Variants in FN1 observed in about 807,000 individuals in gnomAD.
FN1 encodes the protein fibronectin.
In FN1, 106 loss-of-function variants were observed where a neutral mutation model predicts 297.3. The ratio of observed to expected loss-of-function variants is 0.36; its 90% CI spans 0.30 to 0.42. The LOEUF (loss-of-function observed/expected upper bound fraction) is 0.42. Ranked by LOEUF, FN1 falls within the 10% of genes least tolerant of loss-of-function variation. The pLI is 1.00. For missense variants in FN1, 2,690 were observed against 3,124.9 expected (o/e 0.86, Z 3.32); for synonymous variants, 1,149 against 1,152.6 (o/e 1.00, Z 0.06).
In FN1 at chr2:215,404,354, T is replaced by C. The variant is rs752282304; in HGVS notation, c.3253+35A>G. The C allele has an allele frequency of 2.5e-6, 4 of 1,588,046 alleles. No homozygotes were observed. In the South Asian group the frequency reaches 4.4e-5, roughly 18 times the overall value. ...AAGCATGAAGAATAGAGAATGTAAA[T>C]ATAGTTAAGAAAAGGCACTTAATTT... On this transcript the variant is annotated intron_variant, in intron 20 of 45. Coordinates refer to ENST00000354785, the MANE Select transcript of FN1 (RefSeq NM_212482.4).
At chr2:215,403,016 A>C (rs957047462) in intron 20 of FN1, among the ~76,000 whole-genome samples, 3 of 152,182 alleles carry the variant, frequency 2.0e-5, no homozygotes, top group Non-Finnish European at 4.4e-5. Context: ...ATAGAATTCT[A>C]CATTTTAGTA....
intron 9 of FN1, among the ~76,000 whole-genome samples, chr2:215,422,690 G>A (rs528376132): frequency 1.3e-5 from 2 of 152,288 alleles, no homozygotes; most frequent in East Asian, 3.9e-4. Flanking sequence ...AAAAGTATAA[G>A]CAATTTCTTT....
rs1006812085 is a variant in FN1, at chr2:215,407,243, G to T, written c.2597C>A (p.Thr866Asn). ...LNLPETANSV[T>N]LSDLQPGVQY... ...AACACCAGGTTGCAAGTCACTGAGG[G>T]TGACGGAGTTTGCAGTTTCAGGAAG... Residue 866 changes from threonine (T) to asparagine (N), a missense_variant, in exon 18 of 46, where the codon ACC (threonine) becomes AAC (asparagine). This residue lies in a region of FN1 where 71 missense variants were observed against 121.7 expected (regional missense o/e 0.58). Transcript: ENST00000354785. 6.2e-7 allele frequency: 1 copy of T among 1,613,978 alleles called. No homozygotes were observed. Among genetic ancestry groups the T allele is most frequent in the Non-Finnish European group, 8.5e-7 (1 of 1,179,946 alleles).
intron 20 of FN1, among the ~76,000 whole-genome samples, chr2:215,402,527 TA>T (rs2061287518): frequency 6.6e-6 from 1 of 152,286 alleles, no homozygotes; most frequent in South Asian, 2.1e-4. Context: ...AGTAAGATAG[TA>T]AAAAACTACA....
intron 43 of FN1, 111 bp downstream of exon 43, chr2:215,365,394 C>T (rs553053942): frequency 2.6e-6 from 3 of 1,165,458 alleles, no homozygotes; most frequent in Admixed American, 3.4e-5. Context: ...CCACTGTTCA[C>T]TCCTCAAGGA....
At chr2:215,422,869 T>C (rs2064665705) in intron 9 of FN1, among the ~76,000 whole-genome samples, 1 of 152,124 alleles carries the variant, frequency 6.6e-6, no homozygotes, top group African/African-American at 2.4e-5. Context: ...AGAGTGAGAT[T>C]CCCTACCTGT....
At chr2:215,381,948 A>G in intron 32 of FN1, 2 of 433,286 alleles carry the variant, frequency 4.6e-6, no homozygotes, top group South Asian at 2.1e-5. Flanking sequence ...CTATAGGCAA[A>G]TAAGATTTCG....
intron 19 of FN1, among the ~76,000 whole-genome samples, 197 bp from the exon 20 acceptor site, chr2:215,404,852 A>C (rs185403949): frequency 1.3e-5 from 2 of 152,304 alleles, no homozygotes; most frequent in East Asian, 3.9e-4. Context: ...CAGTCATGAG[A>C]AATTGTGGAA....
chr2:215,389,833 G>A (rs6743670), intron 26 of FN1, among the ~76,000 whole-genome samples: 5,443 of 152,102 alleles, frequency 0.036, 316 homozygotes, highest in African/African-American at 0.12. Flanking sequence ...CTAGATGGTA[G>A]AGCCTTTGAC....
At chr2:215,365,717 G>A in intron 42 of FN1, 87 bp from the exon 43 acceptor site, 2 of 1,289,892 alleles carry the variant, frequency 1.6e-6, no homozygotes, top group South Asian at 2.4e-5. Flanking sequence ...GTGTCACAGG[G>A]TCTTCAGAAC....
intron 12 of FN1, among the ~76,000 whole-genome samples, chr2:215,415,192 T>C (rs2063264930): frequency 6.6e-6 from 1 of 150,434 alleles, no homozygotes; most frequent in African/African-American, 2.4e-5. Flanking sequence ...TAGTTGTTTA[T>C]AGCAAATAAA....
In FN1 at chr2:215,386,817, T is replaced by A. The variant is rs773665488; in HGVS notation, c.4484A>T (p.Asp1495Val). Residue 1495 changes from aspartate (D) to valine (V), a missense_variant, in exon 28 of 46, where the codon GAT becomes GTT. Coordinates refer to ENST00000354785, the MANE Select transcript of FN1 (RefSeq NM_212482.4). ...GGAATTCCGAGAGTGGGGCACCCGA[T>A]CTTCTCGAGGTCTCCCACTGAAGTG... The part of the protein sequence containing the change: ...PEHFSGRPRE[D>V]RVPHSRNSIT... 1 of 1,614,002 alleles carries A rather than the reference T, an allele frequency of 6.2e-7. No homozygotes were observed. Among genetic ancestry groups the A allele is most frequent in the Non-Finnish European group, 8.5e-7 (1 of 1,179,992 alleles).
chr2:215,384,987 A>C lies in FN1; in HGVS notation c.4613-11T>G. The C allele has an allele frequency of 6.3e-7, 1 of 1,578,508 alleles. No individual in the cohort carries two copies. The highest frequency in any genetic ancestry group is 8.7e-7 in the Non-Finnish European group (1 of 1,147,588). ...TCGGAACATCAGAAACTAGAAAAAA[A>C]AGGGAAACTTTTCACATCCGTAATT... On this transcript the variant is annotated splice_polypyrimidine_tract_variant and intron_variant, in intron 28 of 45. Coordinates refer to ENST00000354785, the MANE Select transcript of FN1 (RefSeq NM_212482.4).
intron 6 of FN1, among the ~76,000 whole-genome samples, chr2:215,426,130 T>C (rs186643927): frequency 5.5e-4 from 78 of 143,118 alleles, no homozygotes; most frequent in African/African-American, 1.9e-3. Context: ...GATGTGTTGA[T>C]CTTTTCTTTT....
intron 33 of FN1, 157 bp from the exon 34 acceptor site, chr2:215,379,474 G>A (rs2057890986): frequency 3.2e-6 from 2 of 633,078 alleles, no homozygotes; most frequent in Admixed American, 2.6e-5. Flanking sequence ...TACAGTAAGG[G>A]ATGCAAAATG....
At chr2:215,380,650 A>C in intron 33 of FN1, 161 bp downstream of exon 33, 1 of 969,388 alleles carries the variant, frequency 1.0e-6, no homozygotes, top group Non-Finnish European at 1.6e-6. Flanking sequence ...AATATCACCT[A>C]AGTTTTATTG....
intron 35 of FN1, among the ~76,000 whole-genome samples, chr2:215,376,883 T>C (rs1559367286): frequency 6.6e-6 from 1 of 152,202 alleles, no homozygotes; most frequent in Non-Finnish European, 1.5e-5. Flanking sequence ...AGACATTTTA[T>C]TTTGAAGAGC....
chr2:215,375,660 C>G lies in FN1; in HGVS notation c.5946G>C (p.Arg1982=). The change falls in exon 37 of 46, where the codon CGG becomes CGC. Residue 1982 remains arginine, a synonymous_variant. Coordinates refer to ENST00000354785, the MANE Select transcript of FN1 (RefSeq NM_212482.4). Reference sequence around the variant, plus strand: ...AGGCGTCGATGACCACAGGGGAGCTCCGAGCATTGTCATTCAAGGTGTACA... The same window carrying G: ...AGGCGTCGATGACCACAGGGGAGCTGCGAGCATTGTCATTCAAGGTGTACA... ...IYLYTLNDNA[R]SSPVVIDAST... 1 of 1,613,450 alleles carries G rather than the reference C, an allele frequency of 6.2e-7. No homozygotes were observed. Among genetic ancestry groups the G allele is most frequent in the Non-Finnish European group, 8.5e-7 (1 of 1,179,446 alleles).
In FN1 at chr2:215,422,072, T is replaced by C. The variant is rs2106417720; in HGVS notation, c.1546+19A>G. 5 of 1,613,830 alleles carry C rather than the reference T, an allele frequency of 3.1e-6. No homozygotes were observed. The highest frequency in any genetic ancestry group is 4.2e-6 in the Non-Finnish European group (5 of 1,179,726). On this transcript the variant is annotated intron_variant, in intron 10 of 45. Coordinates refer to ENST00000354785, the MANE Select transcript of FN1 (RefSeq NM_212482.4). ...TACCTTTTGCCATCTCAAATATTTT[T>C]GTTAATCAGCCAGCATACCTCGAAG...
Sources: gnomAD v4.1 joint callset for allele counts (sites outside exome capture counted in the v4.1 genomes callset) on GRCh38, gnomAD v4.1.1 for gene constraint, gnomAD v4.1.1 regional missense constraint, MANE v1.5 for transcripts, NCBI Gene and HGNC (gene_info 2026-07-23, HGNC 2026-07-21) for gene names.